Variants in ADAMTSL1 observed in about 807,000 individuals in gnomAD.
The protein encoded by ADAMTSL1 is ADAMTS-like protein 1.
Under a neutral mutation model 201.8 loss-of-function variants are expected in ADAMTSL1, and 126 were observed. The ratio of observed to expected loss-of-function variants is 0.62; its 90% CI spans 0.54 to 0.72. The LOEUF (loss-of-function observed/expected upper bound fraction) is 0.72. Among genes scored for constraint, ADAMTSL1 ranks in the 30% least tolerant of loss-of-function variants. ADAMTSL1 has a pLI of 0.00. For synonymous variants in ADAMTSL1, 1,121 were observed against 903.4 expected (o/e 1.24, Z -4.32); for missense variants, 2,679 against 2,277.8 (o/e 1.18, Z -3.59).
At chr9:18,052,423 G>A (rs115783869) in intron 1 of ADAMTSL1, among the ~76,000 whole-genome samples, 50 of 152,326 alleles carry the variant, frequency 3.3e-4, no homozygotes, top group African/African-American at 1.2e-3. Flanking sequence ...TAAGAGTTGA[G>A]CCAATGGAGA....
intron 4 of ADAMTSL1, among the ~76,000 whole-genome samples, chr9:18,593,512 T>C (rs1215858955): frequency 6.6e-6 from 1 of 152,092 alleles, no homozygotes; most frequent in East Asian, 1.9e-4. Flanking sequence ...ATTTGAAATT[T>C]TTCCTCTTTT....
intron 2 of ADAMTSL1, among the ~76,000 whole-genome samples, chr9:18,519,129 G>T (rs1818534539): frequency 6.6e-6 from 1 of 152,156 alleles, no homozygotes; most frequent in African/African-American, 2.4e-5. Context: ...TGCTATATTT[G>T]TGAGGAATTT....
chr9:18,258,271 G>A (rs775326466), intron 2 of ADAMTSL1, among the ~76,000 whole-genome samples: 3 of 152,104 alleles, frequency 2.0e-5, no homozygotes, highest in East Asian at 1.9e-4. Context: ...AACAAGATGC[G>A]TACGCAAGAA....
intron 1 of ADAMTSL1, among the ~76,000 whole-genome samples, chr9:18,119,353 C>T (rs954182314): frequency 2.6e-5 from 4 of 151,878 alleles, no homozygotes; most frequent in Admixed American, 2.0e-4. Context: ...AGTAGAGTGG[C>T]GTGATCTCGG....
At chr9:18,309,350 GAGAA>G (rs1469550847) in intron 2 of ADAMTSL1, among the ~76,000 whole-genome samples, 2 of 152,118 alleles carry the variant, frequency 1.3e-5, no homozygotes, top group Non-Finnish European at 2.9e-5. Context: ...AATCAGGCAA[GAGAA>G]AGAAAGAAAG....
chr9:18,478,060 C>G (rs548159141), intron 1 of ADAMTSL1, among the ~76,000 whole-genome samples: 1 of 152,058 alleles, frequency 6.6e-6, no homozygotes, highest in Non-Finnish European at 1.5e-5. Context: ...CATGTTGATG[C>G]CCATTTACTA....
chr9:18,841,924 C>T (rs1300258541), intron 23 of ADAMTSL1, among the ~76,000 whole-genome samples: 1 of 151,946 alleles, frequency 6.6e-6, no homozygotes, highest in Admixed American at 6.6e-5. Flanking sequence ...TGATTCTTCT[C>T]TCTTTTCTTC....
At chr9:18,784,859 C>G (rs924324330) in intron 19 of ADAMTSL1, among the ~76,000 whole-genome samples, 1 of 152,202 alleles carries the variant, frequency 6.6e-6, no homozygotes, top group Non-Finnish European at 1.5e-5. Flanking sequence ...CTCAAAGTCT[C>G]TCACTTAAAA....
chr9:18,340,866 C>A (rs1835439391), intron 2 of ADAMTSL1, among the ~76,000 whole-genome samples: 1 of 152,164 alleles, frequency 6.6e-6, no homozygotes, highest in African/African-American at 2.4e-5. Context: ...ATTACCCAGT[C>A]TCAGGTATGT....
chr9:18,874,462 C>T (rs865897852), intron 23 of ADAMTSL1, among the ~76,000 whole-genome samples: 2 of 152,008 alleles, frequency 1.3e-5, no homozygotes, highest in Non-Finnish European at 2.9e-5. Flanking sequence ...GAGTGTGTCT[C>T]TTCTATGCCA....
At chr9:18,489,284 C>A (rs1042637737) in intron 1 of ADAMTSL1, among the ~76,000 whole-genome samples, 1 of 152,132 alleles carries the variant, frequency 6.6e-6, no homozygotes, top group Non-Finnish European at 1.5e-5. Flanking sequence ...AACTTAGGAG[C>A]CCCTTGTCCC....
At chr9:18,646,443 A>G (rs1827816534) in intron 7 of ADAMTSL1, among the ~76,000 whole-genome samples, 1 of 151,842 alleles carries the variant, frequency 6.6e-6, no homozygotes, top group Non-Finnish European at 1.5e-5. Context: ...AGGAGTGGTG[A>G]GAGAGGGCAT....
At chr9:18,182,547 C>T (rs923776602) in intron 2 of ADAMTSL1, among the ~76,000 whole-genome samples, 4 of 152,150 alleles carry the variant, frequency 2.6e-5, no homozygotes, top group Non-Finnish European at 5.9e-5. Context: ...GAAATGCTCC[C>T]ACAGTAATAC....
chr9:18,644,168 G>C (rs1300526859), intron 7 of ADAMTSL1, among the ~76,000 whole-genome samples: 1 of 151,580 alleles, frequency 6.6e-6, no homozygotes, highest in Non-Finnish European at 1.5e-5. Context: ...TTTCTTTTTT[G>C]AATGGTTTGA....
intron 2 of ADAMTSL1, among the ~76,000 whole-genome samples, chr9:18,410,299 T>G (rs1288361481): frequency 6.6e-6 from 1 of 152,096 alleles, no homozygotes; most frequent in East Asian, 1.9e-4. Flanking sequence ...ACTGTGCAGA[T>G]CATCCTATCA....
At chr9:18,194,522 G>A (rs1829096100) in intron 2 of ADAMTSL1, among the ~76,000 whole-genome samples, 1 of 152,068 alleles carries the variant, frequency 6.6e-6, no homozygotes, top group Admixed American at 6.6e-5. Flanking sequence ...ATTCCAGCTT[G>A]ATGAAGTCAT....
chr9:17,975,952 T>C (rs1352481621), intron 1 of ADAMTSL1, among the ~76,000 whole-genome samples: 1 of 152,060 alleles, frequency 6.6e-6, no homozygotes, highest in African/African-American at 2.4e-5. Context: ...ATCCAGTTTT[T>C]CCAACACTAT....
At chr9:18,263,130 G>C (rs1419508480) in intron 2 of ADAMTSL1, among the ~76,000 whole-genome samples, 1 of 152,130 alleles carries the variant, frequency 6.6e-6, no homozygotes, top group African/African-American at 2.4e-5. Context: ...CTAGCACAAT[G>C]GTTGGCACAT....
chr9:18,210,601 C>A (rs1829833640), intron 2 of ADAMTSL1, among the ~76,000 whole-genome samples: 1 of 150,658 alleles, frequency 6.6e-6, no homozygotes, highest in Non-Finnish European at 1.5e-5. Context: ...ATTCCTATGA[C>A]AATAATCATT....
Sources: gnomAD v4.1 joint callset for allele counts (sites outside exome capture counted in the v4.1 genomes callset) on GRCh38, gnomAD v4.1.1 for gene constraint, MANE v1.5 for transcripts, NCBI Gene and HGNC (gene_info 2026-07-23, HGNC 2026-07-21) for gene names.